The following TRPM6 variants were observed in gnomAD, a reference collection of about 807,000 sequenced individuals.
TRPM6 encodes the protein channel kinase 2.
Under a neutral mutation model 247.6 loss-of-function variants are expected in TRPM6, and 111 were observed. The observed-to-expected ratio is 0.45, with a 90% CI of 0.38 to 0.52. The LOEUF is 0.52. Ranked by LOEUF, TRPM6 falls within the 20% of genes least tolerant of loss-of-function variation. The pLI, the probability that TRPM6 is intolerant of heterozygous loss-of-function variation, is 0.00. For missense variants in TRPM6, 2,126 were observed against 2,421.5 expected, an observed-to-expected ratio of 0.88 and a Z score of 2.56; for synonymous variants, 892 against 853.8, an observed-to-expected ratio of 1.04 and a Z score of -0.78.
intron 20 of TRPM6, among the ~76,000 whole-genome samples, chr9:74,786,734 T>C (rs1232948693): frequency 6.6e-6 from 1 of 152,078 alleles, no homozygotes; most frequent in East Asian, 1.9e-4. Flanking sequence ...AGCGAGGCTC[T>C]GTCTCAAAAT....
At chr9:74,839,452 C>T (rs1829840676) in intron 5 of TRPM6, among the ~76,000 whole-genome samples, 1 of 152,126 alleles carries the variant, frequency 6.6e-6, no homozygotes, top group African/African-American at 2.4e-5. Context: ...AGTATCTACT[C>T]ATGCCCAAAA....
intron 1 of TRPM6, among the ~76,000 whole-genome samples, chr9:74,886,263 A>G (rs1366817225): frequency 6.6e-6 from 1 of 152,216 alleles, no homozygotes; most frequent in Non-Finnish European, 1.5e-5. Context: ...CTGGTGGGAA[A>G]CATAAGAAAC....
chr9:74,814,102 A>G (rs891438381), intron 11 of TRPM6, among the ~76,000 whole-genome samples: 1 of 152,220 alleles, frequency 6.6e-6, no homozygotes, highest in African/African-American at 2.4e-5. Context: ...ATCTCAAAGA[A>G]AAAGAAAATA....
At chr9:74,777,548 G>C (rs1342255493) in intron 23 of TRPM6, among the ~76,000 whole-genome samples, 2 of 152,154 alleles carry the variant, frequency 1.3e-5, no homozygotes, top group African/African-American at 4.8e-5. Flanking sequence ...AGTCTTGTTT[G>C]CTACTCCTTC....
intron 27 of TRPM6, among the ~76,000 whole-genome samples, chr9:74,756,622 T>A (rs1043500674): frequency 7.2e-6 from 1 of 139,224 alleles, no homozygotes. Flanking sequence ...GGCAGGTGAA[T>A]AGCTTGAGCT....
At chr9:74,818,491 C>G (rs750530038) in intron 9 of TRPM6, among the ~76,000 whole-genome samples, 15 of 151,794 alleles carry the variant, frequency 9.9e-5, no homozygotes. Flanking sequence ...TTGGTAGAGA[C>G]AGGGTTTCAC....
At chr9:74,750,145 CCT>C (rs1826191532) in intron 30 of TRPM6, among the ~76,000 whole-genome samples, 1 of 152,118 alleles carries the variant, frequency 6.6e-6, no homozygotes, top group African/African-American at 2.4e-5. Flanking sequence ...TCTTCCTCTC[CCT>C]CTCTGTCTCA....
chr9:74,807,928 T>G (rs1049110069), intron 14 of TRPM6, 106 bp downstream of exon 14: 8 of 1,264,752 alleles, frequency 6.3e-6, no homozygotes, highest in Non-Finnish European at 9.2e-6. Context: ...ATAAATAAAA[T>G]GACCATTTTA....
chr9:74,767,161 T>C (rs569756624), intron 25 of TRPM6, among the ~76,000 whole-genome samples: 2 of 152,188 alleles, frequency 1.3e-5, no homozygotes, highest in African/African-American at 4.8e-5. Flanking sequence ...CATGGTCAAA[T>C]AGTGGTGGGA....
intron 1 of TRPM6, among the ~76,000 whole-genome samples, chr9:74,869,966 G>T (rs1830971534): frequency 6.6e-6 from 1 of 152,130 alleles, no homozygotes; most frequent in Non-Finnish European, 1.5e-5. Flanking sequence ...GAAACTGATA[G>T]CCTGTTTAGC....
intron 25 of TRPM6, among the ~76,000 whole-genome samples, chr9:74,767,729 G>A (rs1244479388): frequency 1.3e-5 from 2 of 152,182 alleles, no homozygotes; most frequent in Non-Finnish European, 2.9e-5. Flanking sequence ...AGCACTTTGG[G>A]AGACTGAGGC....
chr9:74,788,006 C>T (rs958838084), intron 20 of TRPM6, among the ~76,000 whole-genome samples: 4 of 152,010 alleles, frequency 2.6e-5, no homozygotes, highest in Admixed American at 1.3e-4. Flanking sequence ...TAAGCCACCA[C>T]GCCTGGCCCC....
intron 1 of TRPM6, among the ~76,000 whole-genome samples, chr9:74,883,909 G>A (rs967589209): frequency 6.6e-6 from 1 of 152,192 alleles, no homozygotes; most frequent in African/African-American, 2.4e-5. Context: ...CAGCACTTTG[G>A]AAGGCCGAGG....
chr9:74,770,547 C>T (rs1826998541), intron 25 of TRPM6, among the ~76,000 whole-genome samples: 2 of 152,112 alleles, frequency 1.3e-5, no homozygotes, highest in South Asian at 4.1e-4. Flanking sequence ...CTCCTCTTTC[C>T]TCAAACTTCT....
At chr9:74,861,724 A>G (rs1331841186) in intron 1 of TRPM6, among the ~76,000 whole-genome samples, 1 of 152,234 alleles carries the variant, frequency 6.6e-6, no homozygotes, top group African/African-American at 2.4e-5. Context: ...ATTACTAGCA[A>G]TATTAAAAGT....
At position 74,828,034 on chromosome 9, in the gene TRPM6, T is replaced by G; in HGVS notation, c.670-85A>C. The G allele has an allele frequency of 2.2e-6, 3 of 1,389,866 alleles. No homozygotes were observed. In the South Asian group the frequency reaches 3.8e-5, roughly 17 times the overall value. The allele number at this position is 1,389,866 out of a possible 1,614,324, so 86.1% of individuals were successfully genotyped here. A position where few individuals can be genotyped will look rare whatever the true frequency, so the allele number is the denominator to read the frequency against. Reference sequence around the variant, plus strand: ...GCTCCAAAGGCCTATCTTTATGTGCTAAAAGAGTTCCTGTCTAGTTTAAAA... The same window carrying G: ...GCTCCAAAGGCCTATCTTTATGTGCGAAAAGAGTTCCTGTCTAGTTTAAAA... On this transcript the variant is annotated intron_variant, in intron 6 of 38. Transcript: ENST00000360774.
chr9:74,786,439 T>G (rs1827670141), intron 20 of TRPM6, among the ~76,000 whole-genome samples: 1 of 152,142 alleles, frequency 6.6e-6, no homozygotes, highest in South Asian at 2.1e-4. Context: ...ACCAAGACAT[T>G]TTAAAACTCA....
At chr9:74,808,233 C>T in intron 13 of TRPM6, 59 bp from the exon 14 acceptor site, 1 of 1,602,350 alleles carries the variant, frequency 6.2e-7, no homozygotes, top group Non-Finnish European at 8.5e-7. Context: ...ATTTCTCTTG[C>T]CATGCCATTA....
At chr9:74,858,776 C>G (rs1318533116) in intron 1 of TRPM6, 28 bp from the exon 2 acceptor site, 1 of 1,537,298 alleles carries the variant, frequency 6.5e-7, no homozygotes, top group Non-Finnish European at 9.0e-7. Flanking sequence ...TTATTTTATA[C>G]TCTAATTATG....
Sources: allele counts gnomAD v4.1 joint callset (sites outside exome capture counted in the v4.1 genomes callset), GRCh38; gene constraint gnomAD v4.1.1; transcripts MANE v1.5; gene names NCBI Gene and HGNC (gene_info 2026-07-23, HGNC 2026-07-21).